Variants in CALM2 observed in about 807,000 individuals in gnomAD.
CALM2 encodes calmodulin-2.
Under a neutral mutation model 19.8 loss-of-function variants are expected in CALM2, and 2 were observed. The observed-to-expected ratio is 0.10, with a 90% CI of 0.04 to 0.32. The LOEUF (loss-of-function observed/expected upper bound fraction) is 0.32, where lower values mean the gene tolerates loss of function less well. CALM2 is among the 10% of genes least tolerant of loss of function. The pLI, the probability that CALM2 is intolerant of heterozygous loss-of-function variation, is 1.00. For synonymous variants in CALM2, 51 were observed against 52.1 expected (o/e 0.98, Z 0.09); for missense variants, 38 against 178.7 (o/e 0.21, Z 4.49).
At chr2:47,176,079 G>A (rs1666856934) in intron 1 of CALM2, among the ~76,000 whole-genome samples, 2 of 152,072 alleles carry the variant, frequency 1.3e-5, no homozygotes, top group African/African-American at 4.8e-5. Flanking sequence ...CTTTCCAGAC[G>A]CCCGACAGAA....
At chr2:47,173,867 T>C (rs1028345671) in intron 1 of CALM2, 1 of 152,234 alleles carries the variant, frequency 6.6e-6, no homozygotes, top group Non-Finnish European at 1.5e-5. Flanking sequence ...AAAAGACACC[T>C]AATTCTGAAG....
At chr2:47,165,614 C>G (rs1024686569) in intron 2 of CALM2, among the ~76,000 whole-genome samples, 3 of 152,210 alleles carry the variant, frequency 2.0e-5, no homozygotes, top group African/African-American at 7.2e-5. Flanking sequence ...TTACTCCTGT[C>G]TCTTATGTCT....
chr2:47,168,498 G>A (rs1666560259), intron 2 of CALM2, among the ~76,000 whole-genome samples: 2 of 152,110 alleles, frequency 1.3e-5, no homozygotes, highest in Non-Finnish European at 2.9e-5. Flanking sequence ...CAGCACTTTA[G>A]GAGGCTGAGG....
chr2:47,161,387 A>G lies in CALM2; in HGVS notation c.421+336T>C, dbSNP rs765382044. 6.6e-5 allele frequency among the ~76,000 whole-genome samples: 10 copies of G among 152,224 alleles called. No homozygotes were observed. The South Asian group carries it at 8.3e-4, about 13-fold the overall frequency. On this transcript the variant is annotated intron_variant, in intron 5 of 5. Transcript: ENST00000272298. ...TTAATTTCATTTTAGGAAACTTGGA[A>G]TAAGTTTGCTTTCCACATTGTTCCA...
chr2:47,172,228 T>C, intron 1 of CALM2: 1 of 306,698 alleles, frequency 3.3e-6, no homozygotes, highest in South Asian at 2.7e-5. Context: ...GTTTATTGCA[T>C]TTTGCAGGAC....
chr2:47,162,809 C>T (rs557514321), intron 2 of CALM2, 147 bp from the exon 3 acceptor site: 35 of 597,770 alleles, frequency 5.9e-5, no homozygotes, highest in African/African-American at 5.6e-4. Context: ...AACTGTAAGA[C>T]CCCACGTCTC....
intron 2 of CALM2, among the ~76,000 whole-genome samples, chr2:47,167,184 A>G (rs1558697541): frequency 6.6e-6 from 1 of 152,168 alleles, no homozygotes; most frequent in South Asian, 2.1e-4. Flanking sequence ...CTATACATTG[A>G]GTAATATTAA....
At chr2:47,169,070 G>A (rs113622500) in intron 2 of CALM2, among the ~76,000 whole-genome samples, 11 of 152,068 alleles carry the variant, frequency 7.2e-5, no homozygotes, top group African/African-American at 2.2e-4. Flanking sequence ...CACTGCGCCC[G>A]GCCAACAAAC....
At chr2:47,170,693 A>C in intron 2 of CALM2, 41 bp downstream of exon 2, 1 of 1,527,956 alleles carries the variant, frequency 6.5e-7, no homozygotes, top group Non-Finnish European at 9.1e-7. Flanking sequence ...TCAATTTATA[A>C]TAAGAATCTA....
chr2:47,166,495 A>G (rs538798333), intron 2 of CALM2, among the ~76,000 whole-genome samples: 1 of 152,342 alleles, frequency 6.6e-6, no homozygotes, highest in Admixed American at 6.5e-5. Context: ...GTTTGCTAGA[A>G]TAAGTAAAAT....
In CALM2 at chr2:47,176,504, C is replaced by G. The variant is rs1389654126; in HGVS notation, c.-61G>C. On this transcript the variant is annotated 5_prime_UTR_variant, in exon 1 of 6. Coordinates refer to ENST00000272298, the MANE Select transcript of CALM2 (RefSeq NM_001743.6). The stretch of plus-strand genomic sequence containing the variant: ...ACAACCACTCAGCTCGCTCTCTCCA[C>G]TCGGACTAATTCGCCTCCTCCGCCC... 6.2e-7 allele frequency: 1 copy of G among 1,608,900 alleles called. No homozygotes were observed. Among genetic ancestry groups the G allele is most frequent in the African/African-American group, 1.3e-5 (1 of 74,642 alleles).
intron 3 of CALM2, 50 bp from the exon 4 acceptor site, chr2:47,162,442 A>C: frequency 1.2e-6 from 2 of 1,607,780 alleles, no homozygotes; most frequent in Non-Finnish European, 1.7e-6. Flanking sequence ...ACATATAAGC[A>C]AACAGCAAAG....
intron 2 of CALM2, among the ~76,000 whole-genome samples, chr2:47,165,607 C>T (rs987164339): frequency 1.3e-5 from 2 of 152,200 alleles, no homozygotes; most frequent in Non-Finnish European, 2.9e-5. Context: ...AAGGCTCTTA[C>T]TCCTGTCTCT....
At position 47,175,081 on chromosome 2, in the gene CALM2, G is replaced by GTTTTTTTTTTTTTTT. The variant is rs563702873; in HGVS notation, c.3+1345_3+1359dup. ...TCACAGATCACCGCCCTCATTAGGT[G>GTTTTTTTTTTTTTTT]TTTTTTTTTTTTTTTTTCAGGAAAG... On this transcript the variant is annotated intron_variant, in intron 1 of 5. Transcript: ENST00000272298. Among the ~76,000 whole-genome samples the GTTTTTTTTTTTTTTT allele has an allele frequency of 5.1e-4, 40 of 77,938 alleles. 5 individuals are homozygous for GTTTTTTTTTTTTTTT. The highest frequency in any genetic ancestry group is 2.9e-3 in the African/African-American group (32 of 10,892). 51.1% of individuals were successfully genotyped at this position (77,938 alleles called of 152,430 possible).
chr2:47,165,664 C>T (rs1291330680), intron 2 of CALM2, among the ~76,000 whole-genome samples: 1 of 152,144 alleles, frequency 6.6e-6, no homozygotes, highest in African/African-American at 2.4e-5. Flanking sequence ...ACTCCTTGGC[C>T]ACTTCATCTA....
At chr2:47,161,598 G>A (rs942178620) in intron 5 of CALM2, 125 bp downstream of exon 5, 17 of 781,618 alleles carry the variant, frequency 2.2e-5, no homozygotes, top group Admixed American at 2.0e-4. Context: ...AAGGTTAAAT[G>A]TAAGTAACTG....
intron 1 of CALM2, among the ~76,000 whole-genome samples, chr2:47,175,906 G>C (rs1291985284): frequency 5.3e-5 from 8 of 149,650 alleles, no homozygotes; most frequent in Non-Finnish European, 7.4e-5. Flanking sequence ...CCTGGATCCC[G>C]GCACGCGGAG....
chr2:47,160,850 C>CAAAAAAAA (rs55773607), intron 5 of CALM2, 46 bp from the exon 6 acceptor site: 16 of 371,980 alleles, frequency 4.3e-5, no homozygotes, highest in South Asian at 7.6e-5. Flanking sequence ...AGCAAAAGAC[C>CAAAAAAAA]AAAAAAAAAA....
chr2:47,176,574 A>G (rs940900553), upstream of CALM2: 1 of 1,549,514 alleles, frequency 6.5e-7, no homozygotes, highest in Non-Finnish European at 8.7e-7. Context: ...CCTCCGCCGC[A>G]TCCAGATAAC....
Sources: allele counts gnomAD v4.1 joint callset (sites outside exome capture counted in the v4.1 genomes callset), GRCh38; gene constraint gnomAD v4.1.1; transcripts MANE v1.5; gene names NCBI Gene and HGNC (gene_info 2026-07-23, HGNC 2026-07-21).